The following IL10RB variants were observed in gnomAD, a reference collection of about 807,000 sequenced individuals.
IL10RB encodes interleukin-10 receptor subunit beta.
Under a neutral mutation model 38.7 loss-of-function variants are expected in IL10RB, and 30 were observed. The ratio of observed to expected loss-of-function variants is 0.78; its 90% CI spans 0.58 to 1.05. The LOEUF (loss-of-function observed/expected upper bound fraction) is 1.05. IL10RB is among the 50% of genes least tolerant of loss of function. IL10RB has a pLI of 0.00. For synonymous variants in IL10RB, 142 were observed against 145.9 expected (o/e 0.97, Z 0.19); for missense variants, 328 against 397.1 (o/e 0.83, Z 1.48).
intron 6 of IL10RB, chr21:33,294,113 G>T: frequency 2.1e-6 from 1 of 467,224 alleles, no homozygotes; most frequent in African/African-American, 2.0e-5. Flanking sequence ...AGACTTGACC[G>T]TGGAGCCAGC....
chr21:33,266,654 C>T (rs1555864562), intron 1 of IL10RB, 140 bp downstream of exon 1: 3 of 826,462 alleles, frequency 3.6e-6, no homozygotes, highest in Non-Finnish European at 5.7e-6. Flanking sequence ...ACGCCACGGC[C>T]GGCTGCTGAG....
In IL10RB at chr21:33,276,631, C is replaced by T. The variant is rs776256199; in HGVS notation, c.209C>T (p.Thr70Ile). The change falls in exon 3 of 7, where the codon ACC becomes ATC. Residue 70 changes from threonine to isoleucine, a missense_variant. Transcript: ENST00000290200. ...RIFQDKCMNT[T>I]LTECDFSSLS... Reference sequence around the variant, plus strand: ...TTCCAAGATAAATGCATGAATACTACCTTGACGGAATGTGATTTCTCAAGT... The same window carrying T: ...TTCCAAGATAAATGCATGAATACTATCTTGACGGAATGTGATTTCTCAAGT... 3 of 1,612,924 alleles carry T rather than the reference C, an allele frequency of 1.9e-6. No individual in the cohort carries two copies. Among genetic ancestry groups the T allele is most frequent in the South Asian group, 2.2e-5 (2 of 91,050 alleles).
intron 1 of IL10RB, among the ~76,000 whole-genome samples, chr21:33,303,817 C>T (rs758264159): frequency 2.2e-4 from 33 of 152,302 alleles, no homozygotes; most frequent in Non-Finnish European, 4.7e-4. Flanking sequence ...GAGGGATACT[C>T]CCGAGGTTGT....
intron 6 of IL10RB, among the ~76,000 whole-genome samples, chr21:33,292,089 G>A (rs1450154608): frequency 3.9e-5 from 6 of 152,080 alleles, no homozygotes; most frequent in East Asian, 3.9e-4. Flanking sequence ...AAATCTCCAC[G>A]CTCCAGCTAC....
Position 33,289,589 on chromosome 21 carries a change from C to G in IL10RB, c.804+1328C>G, listed in dbSNP as rs190400493. On this transcript the variant is annotated intron_variant, in intron 6 of 6. Coordinates refer to ENST00000290200, the MANE Select transcript of IL10RB (RefSeq NM_000628.5). ...GGCAATGGCCTGTCCCTGCACTTGT[C>G]AATTTGCTGTCAAAATCGGGCAGGG... Among the ~76,000 whole-genome samples, 33 of 152,312 alleles carry G rather than the reference C, an allele frequency of 2.2e-4. No individual in the cohort carries two copies. The East Asian group carries it at 6.2e-3, about 29-fold the overall frequency.
At chr21:33,269,891 C>T (rs1051040835) in intron 2 of IL10RB, among the ~76,000 whole-genome samples, 13 of 152,180 alleles carry the variant, frequency 8.5e-5, no homozygotes, top group Non-Finnish European at 1.6e-4. Context: ...ATCTCCTGAC[C>T]TCATGATCCA....
intron 4 of IL10RB, among the ~76,000 whole-genome samples, chr21:33,280,549 G>C (rs1483045122): frequency 2.6e-5 from 4 of 152,140 alleles, no homozygotes; most frequent in Non-Finnish European, 4.4e-5. Flanking sequence ...CCATTGCCTG[G>C]AATGATGTAT....
At chr21:33,276,239 A>G (rs967129351) in intron 2 of IL10RB, among the ~76,000 whole-genome samples, 1 of 152,248 alleles carries the variant, frequency 6.6e-6, no homozygotes, top group Non-Finnish European at 1.5e-5. Context: ...GTGGTCTGTC[A>G]TCTACCGAAA....
At chr21:33,293,090 T>C (rs1255415584) in intron 6 of IL10RB, among the ~76,000 whole-genome samples, 2 of 152,220 alleles carry the variant, frequency 1.3e-5, no homozygotes, top group Non-Finnish European at 2.9e-5. Context: ...GAGGATGTCC[T>C]GGCATGCCCC....
intron 1 of IL10RB, among the ~76,000 whole-genome samples, chr21:33,304,384 G>A (rs867922656): frequency 7.9e-5 from 12 of 152,150 alleles, no homozygotes; most frequent in South Asian, 6.2e-4. Context: ...CGAGTCAGCC[G>A]GCAAAGTACA....
At chr21:33,292,590 G>A (rs571641440) in intron 6 of IL10RB, among the ~76,000 whole-genome samples, 16 of 152,164 alleles carry the variant, frequency 1.1e-4, no homozygotes, top group Admixed American at 3.9e-4. Flanking sequence ...CCATCACCTC[G>A]CGTCCCTCGT....
intron 3 of IL10RB, among the ~76,000 whole-genome samples, chr21:33,278,656 G>C (rs1190722931): frequency 1.3e-5 from 2 of 152,164 alleles, no homozygotes; most frequent in Non-Finnish European, 2.9e-5. Context: ...TTCAGACCCA[G>C]GCTCTTGCTT....
Position 33,283,237 on chromosome 21 carries a change from T to C in IL10RB, c.642T>C (p.His214=), listed in dbSNP as rs368955513. The C allele has an allele frequency of 3.1e-6, 5 of 1,613,598 alleles. No homozygotes were observed. In the African/African-American group the frequency reaches 4.0e-5, roughly 13 times the overall value. Residue 214 remains histidine, a synonymous_variant, in exon 5 of 7, where the codon CAT becomes CAC. Transcript: ENST00000290200. ...AGCCTGTCTGTGAGCAAACAACCCA[T>C]GACGGTAAGCCCTGAGATGCACCTC... is the stretch of plus-strand genomic sequence containing the variant. ...WSEPVCEQTT[H]DETVPSWMVA...
At chr21:33,267,016 G>T (rs1319305492) in intron 1 of IL10RB, among the ~76,000 whole-genome samples, 2 of 151,960 alleles carry the variant, frequency 1.3e-5, no homozygotes, top group Non-Finnish European at 2.9e-5. Flanking sequence ...CCCTCCTTCC[G>T]GTTCAGGCCC....
intron 6 of IL10RB, among the ~76,000 whole-genome samples, chr21:33,291,588 C>T (rs998413842): frequency 2.6e-5 from 4 of 152,162 alleles, no homozygotes; most frequent in African/African-American, 9.7e-5. Context: ...TTTGTAGGAA[C>T]AGAATTCAAC....
chr21:33,271,388 T>C (rs1989076698), intron 2 of IL10RB, among the ~76,000 whole-genome samples: 2 of 152,156 alleles, frequency 1.3e-5, no homozygotes, highest in South Asian at 4.1e-4. Context: ...GAATGGGTCA[T>C]ATTACCTATT....
At chr21:33,274,057 T>G (rs1989128223) in intron 2 of IL10RB, among the ~76,000 whole-genome samples, 1 of 152,270 alleles carries the variant, frequency 6.6e-6, no homozygotes, top group Non-Finnish European at 1.5e-5. Flanking sequence ...ACCAGTGTTC[T>G]TAATGGCATT....
At chr21:33,302,393 C>A (rs997576979) in intron 1 of IL10RB, among the ~76,000 whole-genome samples, 2 of 152,260 alleles carry the variant, frequency 1.3e-5, no homozygotes, top group African/African-American at 4.8e-5. Context: ...CAAGGCTGGG[C>A]CCCCTTGCGT....
intron 2 of IL10RB, among the ~76,000 whole-genome samples, chr21:33,275,004 CATTTTAGCTAG>C (rs1242536036): frequency 2.6e-5 from 4 of 152,178 alleles, no homozygotes; most frequent in Admixed American, 6.5e-5. Context: ...CCACCTTCAT[CATTTTAGCTAG>C]ATTTTAGCTA....
Sources: allele counts gnomAD v4.1 joint callset (sites outside exome capture counted in the v4.1 genomes callset), GRCh38; gene constraint gnomAD v4.1.1; transcripts MANE v1.5; gene names NCBI Gene and HGNC (gene_info 2026-07-23, HGNC 2026-07-21).